Variants in MRPL1 observed in about 807,000 individuals in gnomAD.
MRPL1 encodes the protein large ribosomal subunit protein uL1m.
MRPL1 carries 28 observed loss-of-function variants against 38.0 expected under a neutral mutation model. The ratio of observed to expected loss-of-function variants is 0.74; its 90% CI spans 0.55 to 1.01. The LOEUF is 1.01. Among genes scored for constraint, MRPL1 ranks in the 50% least tolerant of loss-of-function variants. MRPL1 has a pLI of 0.00. For missense variants in MRPL1, 358 were observed against 389.8 expected, an observed-to-expected ratio of 0.92 and a Z score of 0.69; for synonymous variants, 123 against 126.7, an observed-to-expected ratio of 0.97 and a Z score of 0.20.
intron 6 of MRPL1, among the ~76,000 whole-genome samples, chr4:77,907,892 CT>C (rs537450784): frequency 1.4e-3 from 198 of 139,122 alleles, no homozygotes; most frequent in Admixed American, 1.4e-3. Flanking sequence ...CTTTTCTTTT[CT>C]TTTTTTTTTT....
At chr4:77,946,773 T>A (rs1737279654) in intron 7 of MRPL1, among the ~76,000 whole-genome samples, 2 of 152,128 alleles carry the variant, frequency 1.3e-5, no homozygotes. Context: ...GTTCTCAGAG[T>A]GTGGTCCAGG....
At position 77,867,746 on chromosome 4, in the gene MRPL1, C is replaced by CTTT. The variant is rs71214374; in HGVS notation, c.32-3971_32-3969dup. On this transcript the variant is annotated intron_variant, in intron 1 of 8. Transcript: ENST00000315567. ...TACACCCAGCCTTGGATAGTTATTT[C>CTTT]TTTTTTTTTTTTTTTTTTTTTTTTT... is the stretch of plus-strand genomic sequence containing the variant. Among the ~76,000 whole-genome samples, 51 of 92,038 alleles carry CTTT rather than the reference C, an allele frequency of 5.5e-4. 4 individuals are homozygous for CTTT. Among genetic ancestry groups the CTTT allele is most frequent in the African/African-American group, 1.5e-3 (36 of 23,992 alleles). 60.4% of individuals were successfully genotyped at this position (92,038 alleles called of 152,430 possible). A position where few individuals can be genotyped will look rare whatever the true frequency, so the allele number is the denominator to read the frequency against.
intron 5 of MRPL1, among the ~76,000 whole-genome samples, chr4:77,888,462 G>A (rs548713438): frequency 2.2e-4 from 34 of 152,048 alleles, no homozygotes; most frequent in Non-Finnish European, 4.1e-4. Context: ...CCGAGATTGC[G>A]CCTACACTCC....
chr4:77,889,726 G>A (rs201281443), intron 5 of MRPL1, among the ~76,000 whole-genome samples: 3 of 152,172 alleles, frequency 2.0e-5, no homozygotes, highest in African/African-American at 7.2e-5. Context: ...AAAATTGATA[G>A]ATCGCTAACA....
At chr4:77,901,062 T>G (rs1736024516) in intron 6 of MRPL1, among the ~76,000 whole-genome samples, 1 of 152,150 alleles carries the variant, frequency 6.6e-6, no homozygotes, top group South Asian at 2.1e-4. Context: ...GTAAATACTA[T>G]TTTAACTATA....
At chr4:77,906,616 A>C (rs1187537689) in intron 6 of MRPL1, among the ~76,000 whole-genome samples, 1 of 152,182 alleles carries the variant, frequency 6.6e-6, no homozygotes, top group Non-Finnish European at 1.5e-5. Context: ...GGGCATAGAC[A>C]GTTCACCCAT....
intron 7 of MRPL1, among the ~76,000 whole-genome samples, chr4:77,940,699 T>C (rs1350923927): frequency 6.6e-6 from 1 of 152,190 alleles, no homozygotes; most frequent in African/African-American, 2.4e-5. Flanking sequence ...GTGGCTTTTA[T>C]TACATTAAGG....
intron 7 of MRPL1, among the ~76,000 whole-genome samples, chr4:77,919,405 T>A (rs1736510694): frequency 6.6e-6 from 1 of 152,216 alleles, no homozygotes; most frequent in Admixed American, 6.5e-5. Flanking sequence ...TTTCTATAAA[T>A]GTTGACTATC....
chr4:77,916,770 A>G (rs892313116), intron 7 of MRPL1, among the ~76,000 whole-genome samples: 1 of 152,188 alleles, frequency 6.6e-6, no homozygotes. Context: ...GCTATTGCAA[A>G]TGATACTTAA....
intron 1 of MRPL1, chr4:77,864,588 T>A (rs1735084139): frequency 6.6e-6 from 1 of 152,344 alleles, no homozygotes; most frequent in Non-Finnish European, 1.5e-5. Flanking sequence ...CAAAATCACT[T>A]TGTGCTCTGA....
chr4:77,937,247 C>A (rs887579929), intron 7 of MRPL1, among the ~76,000 whole-genome samples: 6 of 152,160 alleles, frequency 3.9e-5, no homozygotes, highest in Non-Finnish European at 5.9e-5. Flanking sequence ...CTAGACAGAT[C>A]TCATAGTTCC....
intron 7 of MRPL1, among the ~76,000 whole-genome samples, chr4:77,925,188 T>C (rs1736683954): frequency 6.6e-6 from 1 of 152,160 alleles, no homozygotes; most frequent in Admixed American, 6.5e-5. Context: ...CATTTTAGCA[T>C]GCATAGCCTG....
rs1801350 is a variant in MRPL1, at chr4:77,909,280, G to C, written c.685G>C (p.Asp229His). The stretch of plus-strand genomic sequence containing the variant: ...TTTCTAACTAGATTCCATTGGCCGT[G>C]ACATCCCCAAAATGCTTGAATTATT... Reference protein sequence around the residue: ...PKLSRNSIGRDIPKMLELFKN... With the variant: ...PKLSRNSIGRHIPKMLELFKN... Residue 229 changes from aspartate (D) to histidine (H), a missense_variant, in exon 7 of 9, where the codon GAC becomes CAC. Transcript: ENST00000315567. 0.034 allele frequency: 55,125 copies of C among 1,606,712 alleles called. 1,061 individuals are homozygous for C. The highest frequency in any genetic ancestry group is 0.06 in the African/African-American group (4,491 of 74,730).
At position 77,923,129 on chromosome 4, in the gene MRPL1, T is replaced by A. The variant is rs568240152; in HGVS notation, c.777+13757T>A. On this transcript the variant is annotated intron_variant, in intron 7 of 8. Transcript: ENST00000315567. ...ATTTATTTTTGAGATGGAGTCTCGCTCTGTCTCCCAGGCTGGAGTGCAGTG... is the reference window on the plus strand; with the variant it reads ...ATTTATTTTTGAGATGGAGTCTCGCACTGTCTCCCAGGCTGGAGTGCAGTG... 4.6e-5 allele frequency among the ~76,000 whole-genome samples: 7 copies of A among 152,318 alleles called. No individual in the cohort carries two copies. The East Asian group carries it at 9.6e-4, about 21-fold the overall frequency.
intron 7 of MRPL1, among the ~76,000 whole-genome samples, chr4:77,928,073 T>C (rs779809125): frequency 2.0e-5 from 3 of 152,216 alleles, no homozygotes; most frequent in Non-Finnish European, 4.4e-5. Flanking sequence ...TATAGGTGAG[T>C]ATCATTTTGT....
At chr4:77,935,769 A>T (rs1431123438) in intron 7 of MRPL1, among the ~76,000 whole-genome samples, 1 of 152,076 alleles carries the variant, frequency 6.6e-6, no homozygotes, top group Admixed American at 6.6e-5. Context: ...TGTCTCTAGT[A>T]AAAATACAAA....
At chr4:77,921,937 G>A (rs1023341844) in intron 7 of MRPL1, among the ~76,000 whole-genome samples, 1 of 152,040 alleles carries the variant, frequency 6.6e-6, no homozygotes, top group African/African-American at 2.4e-5. Flanking sequence ...TGACTCATTC[G>A]TTGAGCAAAT....
intron 6 of MRPL1, among the ~76,000 whole-genome samples, chr4:77,895,488 A>T (rs970871073): frequency 7.9e-5 from 12 of 152,138 alleles, no homozygotes; most frequent in Non-Finnish European, 1.6e-4. Context: ...TCACTTGCTG[A>T]CACAGTTTGT....
At chr4:77,881,166 C>T (rs1735530244) in intron 2 of MRPL1, among the ~76,000 whole-genome samples, 1 of 152,162 alleles carries the variant, frequency 6.6e-6, no homozygotes, top group African/African-American at 2.4e-5. Context: ...AAATATACTC[C>T]TCTTTAGTGG....
Sources: allele counts gnomAD v4.1 joint callset (sites outside exome capture counted in the v4.1 genomes callset), GRCh38; gene constraint gnomAD v4.1.1; transcripts MANE v1.5; gene names NCBI Gene and HGNC (gene_info 2026-07-23, HGNC 2026-07-21).